Variants in PRKCB observed in about 807,000 individuals in gnomAD.
PRKCB encodes the protein protein kinase C beta type.
Under a neutral mutation model 81.5 loss-of-function variants are expected in PRKCB, and 13 were observed. The observed-to-expected ratio is 0.16, with a 90% CI of 0.10 to 0.25. PRKCB has a LOEUF of 0.25. Ranked by LOEUF, PRKCB falls within the 10% of genes least tolerant of loss-of-function variation. The probability of loss-of-function intolerance (pLI) is 1.00; values close to 1 mark genes in which losing one functional copy is unlikely to be tolerated. For synonymous variants in PRKCB, 335 were observed against 321.4 expected (o/e 1.04, Z -0.45); for missense variants, 509 against 875.7 (o/e 0.58, Z 5.29).
chr16:23,990,872 C>T (rs960014600), intron 3 of PRKCB, among the ~76,000 whole-genome samples: 1 of 152,176 alleles, frequency 6.6e-6, no homozygotes, highest in Non-Finnish European at 1.5e-5. Context: ...TTACATGCAG[C>T]TGAAACTGTC....
chr16:23,934,230 G>A (rs1268248570), intron 2 of PRKCB, among the ~76,000 whole-genome samples: 1 of 117,394 alleles, frequency 8.5e-6, no homozygotes, highest in Non-Finnish European at 1.7e-5. Context: ...ATGGGATTCT[G>A]CCTGGCCTCT....
chr16:23,981,703 C>T (rs949026457), intron 2 of PRKCB, among the ~76,000 whole-genome samples: 17 of 66,676 alleles, frequency 2.5e-4, no homozygotes, highest in Admixed American at 1.0e-3. Context: ...CCCTTCCCTT[C>T]CCCTTCCCTT....
rs1567293452 is a variant in PRKCB at position 23,863,224 on chromosome 16, A to ATATATACATGTATATATACATACAAATG, written c.205+25821_205+25822insATACATGTATATATACATACAAATGTAT. On this transcript the variant is annotated intron_variant, in intron 2 of 16. Transcript: ENST00000643927. Reference sequence around the variant, plus strand: ...TATATGTGTATATATACATACATATATATGTGTATATATATACATATATAT... The same window carrying ATATATACATGTATATATACATACAAATG: ...TATATGTGTATATATACATACATATATATATACATGTATATATACATACAAATGTATGTGTATATATATACATATATAT... 4.4e-4 allele frequency among the ~76,000 whole-genome samples: 36 copies of ATATATACATGTATATATACATACAAATG among 80,900 alleles called. No individual in the cohort carries two copies. In the East Asian group the frequency reaches 8.5e-3, roughly 19 times the overall value. The allele number at this position is 80,900 out of a possible 152,430, so 53.1% of individuals were successfully genotyped here. A position where few individuals can be genotyped will look rare whatever the true frequency, so the allele number is the denominator to read the frequency against.
rs116299543 is a variant in PRKCB at position 23,882,241 on chromosome 16, G to A, written c.205+44835G>A. On this transcript the variant is annotated intron_variant, in intron 2 of 16. Coordinates refer to ENST00000643927, the MANE Select transcript of PRKCB (RefSeq NM_002738.7). ...ACTTCAGGCACACACTACCATGCCC[G>A]GTTAATTTTTTTCTTGATTTTTAAT... 6.2e-3 allele frequency among the ~76,000 whole-genome samples: 926 copies of A among 150,142 alleles called. 10 individuals are homozygous for A. Among genetic ancestry groups the A allele is most frequent in the African/African-American group, 0.022 (887 of 40,790 alleles).
intron 5 of PRKCB, among the ~76,000 whole-genome samples, chr16:24,051,062 G>A (rs946810674): frequency 3.3e-5 from 5 of 152,038 alleles, no homozygotes; most frequent in African/African-American, 1.2e-4. Context: ...AGTGTCTTCC[G>A]GACATCACCT....
chr16:24,049,047 G>GTTTTTT (rs1160842975), intron 5 of PRKCB, among the ~76,000 whole-genome samples: 1,622 of 49,712 alleles, frequency 0.033, 338 homozygotes, highest in Non-Finnish European at 0.038. Flanking sequence ...AAATTGGCCT[G>GTTTTTT]TTTTTTTTTT....
intron 4 of PRKCB, among the ~76,000 whole-genome samples, chr16:24,034,458 A>C (rs551062498): frequency 4.6e-5 from 7 of 152,336 alleles, no homozygotes; most frequent in African/African-American, 1.4e-4. Flanking sequence ...ATTATTGCTC[A>C]AGACCTAGAA....
chr16:23,871,940 T>C (rs1962912588), intron 2 of PRKCB, among the ~76,000 whole-genome samples: 2 of 152,026 alleles, frequency 1.3e-5, no homozygotes, highest in Non-Finnish European at 2.9e-5. Flanking sequence ...TTTTCTAGAA[T>C]GTAAGCTTTG....
chr16:24,171,427 G>T (rs762917298), intron 10 of PRKCB, among the ~76,000 whole-genome samples: 3 of 152,122 alleles, frequency 2.0e-5, no homozygotes, highest in Non-Finnish European at 2.9e-5. Context: ...TCTTTTACGC[G>T]CTACTCCTGG....
At chr16:24,194,320 C>T (rs896771116) in intron 16 of PRKCB, among the ~76,000 whole-genome samples, 11 of 151,560 alleles carry the variant, frequency 7.3e-5, no homozygotes, top group African/African-American at 2.7e-4. Flanking sequence ...AGCAAGACTC[C>T]GTCTCAAAAA....
chr16:23,896,693 C>A (rs762435922), intron 2 of PRKCB, among the ~76,000 whole-genome samples: 1 of 152,072 alleles, frequency 6.6e-6, no homozygotes, highest in Non-Finnish European at 1.5e-5. Context: ...CTAGCATATG[C>A]AAAGGGCTTG....
chr16:24,119,944 G>A (rs377711547), intron 8 of PRKCB, among the ~76,000 whole-genome samples: 3 of 152,274 alleles, frequency 2.0e-5, no homozygotes, highest in African/African-American at 7.2e-5. Context: ...TTAGTAGGCC[G>A]AAAGGGGAAA....
At chr16:24,126,788 G>A (rs1396831928) in intron 9 of PRKCB, among the ~76,000 whole-genome samples, 2 of 151,330 alleles carry the variant, frequency 1.3e-5, no homozygotes, top group Admixed American at 6.6e-5. Context: ...CGTTCGCCTC[G>A]GCCTCCTAAA....
intron 9 of PRKCB, among the ~76,000 whole-genome samples, chr16:24,128,384 C>CAA (rs1966848226): frequency 6.6e-6 from 1 of 152,128 alleles, no homozygotes. Context: ...CAAACAACAA[C>CAA]AACAACAACA....
chr16:24,201,952 C>A (rs768801155), intron 16 of PRKCB, among the ~76,000 whole-genome samples: 14 of 151,208 alleles, frequency 9.3e-5, no homozygotes, highest in Non-Finnish European at 1.9e-4. Context: ...AGGAGAATGG[C>A]GTGAACCCAG....
Position 24,174,543 on chromosome 16 carries a change from G to A in PRKCB, c.1357G>A (p.Gly453Ser), listed in dbSNP as rs748923188. The A allele has an allele frequency of 1.9e-6, 3 of 1,611,054 alleles. No homozygotes were observed. The highest frequency in any genetic ancestry group is 3.3e-5 in the Admixed American group (2 of 59,772). ...ATTTTACGCTGCAGAAATTGCCATC[G>A]GTCTGTTCTTCTTACAGAGTAAGGG... ...AVFYAAEIAI[G>S]LFFLQSKGII... Residue 453 changes from glycine to serine, a missense_variant, in exon 12 of 17, where the codon GGT (glycine) becomes AGT (serine). By Grantham distance (56) the Gly-to-Ser change is moderately conservative (BLOSUM62 0). This residue lies in a region of PRKCB where 106 missense variants were observed against 214.0 expected (regional missense o/e 0.50). Transcript: ENST00000643927.
At chr16:24,001,995 C>A (rs1379764494) in intron 3 of PRKCB, among the ~76,000 whole-genome samples, 4 of 152,118 alleles carry the variant, frequency 2.6e-5, no homozygotes, top group Admixed American at 6.5e-5. Context: ...CAAACCATTC[C>A]AAAATTTAGT....
intron 2 of PRKCB, among the ~76,000 whole-genome samples, chr16:23,973,163 T>C (rs1470441836): frequency 6.6e-6 from 1 of 151,354 alleles, no homozygotes; most frequent in Non-Finnish European, 1.5e-5. Flanking sequence ...TAATCCTCAG[T>C]GAAATGATTT....
intron 16 of PRKCB, among the ~76,000 whole-genome samples, chr16:24,192,064 T>C (rs190494393): frequency 2.6e-5 from 4 of 152,360 alleles, no homozygotes; most frequent in Admixed American, 2.6e-4. Flanking sequence ...AGAGTGAACA[T>C]AAACACCATC....
Sources: gnomAD v4.1 joint callset for allele counts (sites outside exome capture counted in the v4.1 genomes callset) on GRCh38, gnomAD v4.1.1 for gene constraint, gnomAD v4.1.1 regional missense constraint, MANE v1.5 for transcripts, NCBI Gene and HGNC (gene_info 2026-07-23, HGNC 2026-07-21) for gene names.